The following USP12 variants were observed in gnomAD, a reference collection of about 807,000 sequenced individuals.
USP12 encodes the protein ubiquitin carboxyl-terminal hydrolase 12.
Under a neutral mutation model 45.5 loss-of-function variants are expected in USP12, and 19 were observed. The ratio of observed to expected loss-of-function variants is 0.42; its 90% CI spans 0.29 to 0.61. The LOEUF is 0.61. Ranked by LOEUF, USP12 falls within the 20% of genes least tolerant of loss-of-function variation. USP12 has a pLI of 0.22. For missense variants in USP12, 242 were observed against 447.7 expected (o/e 0.54, Z 4.15); for synonymous variants, 149 against 148.8 (o/e 1.00, Z -0.01).
At position 27,105,951 on chromosome 13, in the gene USP12, C is replaced by CA; in HGVS notation, c.130-8dup. 1.9e-6 allele frequency: 3 copies of CA among 1,583,252 alleles called. No individual in the cohort carries two copies. The highest frequency in any genetic ancestry group is 1.9e-5 in the Admixed American group (1 of 52,096). Reference sequence around the variant, plus strand: ...AGTAGCAGGTATTCCCAAACTGCAACAGAAAAAAAAAAGTTTTGTTAAATT... The same window carrying CA: ...AGTAGCAGGTATTCCCAAACTGCAACAAGAAAAAAAAAAGTTTTGTTAAATT... On this transcript the variant is annotated splice_polypyrimidine_tract_variant and splice_region_variant and intron_variant, in intron 2 of 8. Coordinates refer to ENST00000282344, the MANE Select transcript of USP12 (RefSeq NM_182488.4).
intron 3 of USP12, among the ~76,000 whole-genome samples, chr13:27,102,453 G>A (rs180898080): frequency 3.0e-4 from 45 of 152,228 alleles, no homozygotes; most frequent in African/African-American, 1.0e-3. Flanking sequence ...GAACCCTCTC[G>A]TGGTTTCCCA....
At position 27,133,883 on chromosome 13, in the gene USP12, A is replaced by G. The variant is rs140185078; in HGVS notation, c.49-17287T>C. ...GTGGTGGCTTGTGCCTGTAATCCCA[A>G]CCCTTTGGGAGGTCAAGGCAATAGG... On this transcript the variant is annotated intron_variant, in intron 1 of 8. Coordinates refer to ENST00000282344, the MANE Select transcript of USP12 (RefSeq NM_182488.4). Among the ~76,000 whole-genome samples, 929 of 152,316 alleles carry G rather than the reference A, an allele frequency of 6.1e-3. 7 individuals are homozygous for G. Among genetic ancestry groups the G allele is most frequent in the African/African-American group, 0.021 (889 of 41,584 alleles).
intron 6 of USP12, among the ~76,000 whole-genome samples, chr13:27,084,912 T>C (rs1873942463): frequency 6.6e-6 from 1 of 152,220 alleles, no homozygotes; most frequent in Non-Finnish European, 1.5e-5. Flanking sequence ...TTTTTTTCTA[T>C]TTCTGCAGAA....
chr13:27,161,569 T>C (rs927396907), intron 1 of USP12, among the ~76,000 whole-genome samples: 7 of 152,180 alleles, frequency 4.6e-5, no homozygotes, highest in Admixed American at 2.6e-4. Flanking sequence ...AATAGGGAAT[T>C]GCAGTGTTTA....
At chr13:27,115,919 G>A (rs1875710145) in intron 2 of USP12, among the ~76,000 whole-genome samples, 1 of 152,068 alleles carries the variant, frequency 6.6e-6, no homozygotes, top group South Asian at 2.1e-4. Context: ...CTTAGACTAG[G>A]CTATATATTA....
chr13:27,132,230 A>C (rs1876535902), intron 1 of USP12, among the ~76,000 whole-genome samples: 1 of 152,226 alleles, frequency 6.6e-6, no homozygotes, highest in Non-Finnish European at 1.5e-5. Flanking sequence ...TGGTGTATTC[A>C]AAAAGCAATT....
intron 6 of USP12, among the ~76,000 whole-genome samples, chr13:27,085,331 C>T (rs1403921018): frequency 6.6e-6 from 1 of 152,080 alleles, no homozygotes; most frequent in African/African-American, 2.4e-5. Context: ...CAGATGTGTG[C>T]CACCACGCCT....
Position 27,166,316 on chromosome 13 carries a change from C to T in USP12, c.48+5276G>A, listed in dbSNP as rs574327882. On this transcript the variant is annotated intron_variant, in intron 1 of 8. Coordinates refer to ENST00000282344, the MANE Select transcript of USP12 (RefSeq NM_182488.4). ...AAAAGGTTTCTGGAAAGGAATTATA[C>T]AAAGTATACAAATGCTTAAAAGATA... 2.0e-5 allele frequency among the ~76,000 whole-genome samples: 3 copies of T among 152,156 alleles called. No homozygotes were observed. In the East Asian group the frequency reaches 5.8e-4, roughly 29 times the overall value.
intron 4 of USP12, 81 bp from the exon 5 acceptor site, chr13:27,090,239 CTAT>C (rs1223181705): frequency 2.7e-6 from 3 of 1,100,468 alleles, no homozygotes; most frequent in Non-Finnish European, 4.0e-6. Context: ...AAATGCCATT[CTAT>C]TATTATCAGT....
intron 2 of USP12, among the ~76,000 whole-genome samples, chr13:27,113,255 T>C (rs909356581): frequency 5.9e-5 from 9 of 151,816 alleles, no homozygotes; most frequent in African/African-American, 2.2e-4. Flanking sequence ...AGACCCTTTC[T>C]CAAAACAAAA....
chr13:27,077,383 G>A (rs1464001741), intron 6 of USP12: 1 of 152,114 alleles, frequency 6.6e-6, no homozygotes, highest in Non-Finnish European at 1.5e-5. Flanking sequence ...GGTAAGATTA[G>A]GAGGAGGAAA....
chr13:27,165,080 A>G (rs1416389955), intron 1 of USP12, among the ~76,000 whole-genome samples: 2 of 151,858 alleles, frequency 1.3e-5, no homozygotes, highest in Non-Finnish European at 2.9e-5. Context: ...AGTATAAAAT[A>G]AGGTAAGATA....
chr13:27,099,620 G>A (rs1241115358), intron 3 of USP12, among the ~76,000 whole-genome samples: 1 of 152,038 alleles, frequency 6.6e-6, no homozygotes, highest in Admixed American at 6.5e-5. Context: ...TTAATTTATA[G>A]ACCCTGAATC....
chr13:27,091,078 A>G (rs1874290106), intron 4 of USP12, among the ~76,000 whole-genome samples: 1 of 152,176 alleles, frequency 6.6e-6, no homozygotes. Context: ...TGTACGATGG[A>G]AGATACAGCA....
At chr13:27,083,796 C>T (rs760177137) in intron 6 of USP12, among the ~76,000 whole-genome samples, 4 of 151,702 alleles carry the variant, frequency 2.6e-5, no homozygotes, top group South Asian at 2.1e-4. Context: ...AATTTTGTGG[C>T]ACATCATTAA....
At chr13:27,171,546 C>A in intron 1 of USP12, 46 bp downstream of exon 1, 1 of 1,165,726 alleles carries the variant, frequency 8.6e-7, no homozygotes, top group South Asian at 1.6e-5. Context: ...CGCCCGCCCG[C>A]CCGAGAGGTC....
intron 3 of USP12, 52 bp from the exon 4 acceptor site, chr13:27,095,882 TA>T (rs1376890896): frequency 7.4e-7 from 1 of 1,348,018 alleles, no homozygotes; most frequent in Non-Finnish European, 9.9e-7. Flanking sequence ...CATAACTTCA[TA>T]AAAAACCAAT....
At chr13:27,136,479 C>T (rs1302916181) in intron 1 of USP12, among the ~76,000 whole-genome samples, 1 of 152,152 alleles carries the variant, frequency 6.6e-6, no homozygotes, top group Non-Finnish European at 1.5e-5. Context: ...GTCTGGGCAA[C>T]AAGAATGAAA....
At chr13:27,105,243 T>C (rs1593186248) in intron 3 of USP12, among the ~76,000 whole-genome samples, 10 of 152,200 alleles carry the variant, frequency 6.6e-5, no homozygotes, top group Admixed American at 6.5e-4. Flanking sequence ...CAAAAGGTCT[T>C]TTCTAGCTCC....
Sources: gnomAD v4.1 joint callset for allele counts (sites outside exome capture counted in the v4.1 genomes callset) on GRCh38, gnomAD v4.1.1 for gene constraint, MANE v1.5 for transcripts, NCBI Gene and HGNC (gene_info 2026-07-23, HGNC 2026-07-21) for gene names.